ZDHHC17: variants seen among roughly 807,000 people sequenced by gnomAD.
The protein encoded by ZDHHC17 is zDHHC palmitoyltransferase 17, also known as palmitoyltransferase ZDHHC17.
Under a neutral mutation model 90.3 loss-of-function variants are expected in ZDHHC17, and 40 were observed. The observed-to-expected ratio is 0.44, with a 90% CI of 0.34 to 0.58. The LOEUF (loss-of-function observed/expected upper bound fraction) is 0.58. ZDHHC17 is among the 20% of genes least tolerant of loss of function. The probability of loss-of-function intolerance (pLI) is 0.01; values close to 1 mark genes in which losing one functional copy is unlikely to be tolerated. For missense variants in ZDHHC17, 614 were observed against 780.8 expected, an observed-to-expected ratio of 0.79 and a Z score of 2.55; for synonymous variants, 235 against 252.4, an observed-to-expected ratio of 0.93 and a Z score of 0.65.
At chr12:76,777,509 A>C (rs7135510) in intron 1 of ZDHHC17, among the ~76,000 whole-genome samples, 68,030 of 152,060 alleles carry the variant, frequency 0.45, 15,582 homozygotes, top group East Asian at 0.65. Context: ...GTGTACAAGT[A>C]TTCATGTAAA....
At chr12:76,848,448 A>G in intron 15 of ZDHHC17, 58 bp downstream of exon 15, 3 of 1,535,030 alleles carry the variant, frequency 2.0e-6, no homozygotes, top group South Asian at 1.2e-5. Context: ...ATCCTTGCAT[A>G]AAAGATAATA....
intron 2 of ZDHHC17, among the ~76,000 whole-genome samples, chr12:76,802,377 CTCTG>C (rs1488010815): frequency 2.6e-5 from 4 of 152,188 alleles, no homozygotes; most frequent in South Asian, 4.1e-4. Flanking sequence ...TCAAGGTTCT[CTCTG>C]TCTTTGTCTT....
intron 10 of ZDHHC17, among the ~76,000 whole-genome samples, chr12:76,833,121 G>A (rs1184272109): frequency 3.3e-5 from 5 of 152,026 alleles, no homozygotes; most frequent in Non-Finnish European, 7.4e-5. Context: ...GTTTGTTCTA[G>A]TAAGTTCTTA....
At chr12:76,825,674 T>C (rs552692357) in intron 8 of ZDHHC17, among the ~76,000 whole-genome samples, 44 of 100,210 alleles carry the variant, frequency 4.4e-4, no homozygotes, top group African/African-American at 1.6e-3. Context: ...CATGGTCATT[T>C]ATATGAAAAA....
chr12:76,764,495 G>T, intron 1 of ZDHHC17, 166 bp downstream of exon 1: 1 of 662,320 alleles, frequency 1.5e-6, no homozygotes, highest in Non-Finnish European at 2.5e-6. Context: ...GCGGATAACG[G>T]GGGAGGAGAT....
intron 1 of ZDHHC17, among the ~76,000 whole-genome samples, chr12:76,780,438 A>G (rs1314713260): frequency 2.0e-5 from 3 of 152,224 alleles, no homozygotes; most frequent in Non-Finnish European, 4.4e-5. Context: ...TTTTGGCTCT[A>G]CCAGATCATT....
intron 6 of ZDHHC17, 22 bp downstream of exon 6, chr12:76,815,232 C>G: frequency 6.7e-7 from 1 of 1,497,954 alleles, no homozygotes; most frequent in Non-Finnish European, 9.0e-7. Context: ...CTATAAAAAA[C>G]TTATTTAGGC....
At chr12:76,779,274 C>T (rs1347625175) in intron 1 of ZDHHC17, among the ~76,000 whole-genome samples, 2 of 152,128 alleles carry the variant, frequency 1.3e-5, no homozygotes, top group Admixed American at 6.5e-5. Flanking sequence ...TCTTTTCCAC[C>T]TTTGTATTAG....
At chr12:76,846,129 A>T (rs1313271329) in intron 13 of ZDHHC17, among the ~76,000 whole-genome samples, 1 of 152,170 alleles carries the variant, frequency 6.6e-6, no homozygotes, top group East Asian at 1.9e-4. Flanking sequence ...GGAATGACAG[A>T]TAAGAACAGT....
chr12:76,823,183 G>C (rs1953187207), intron 8 of ZDHHC17, among the ~76,000 whole-genome samples: 1 of 152,132 alleles, frequency 6.6e-6, no homozygotes, highest in South Asian at 2.1e-4. Context: ...TCTAGTGAAT[G>C]CTTGTTTGTT....
intron 5 of ZDHHC17, among the ~76,000 whole-genome samples, chr12:76,811,448 TA>T (rs1380176379): frequency 6.6e-6 from 1 of 152,170 alleles, no homozygotes; most frequent in Non-Finnish European, 1.5e-5. Flanking sequence ...GTCTTTTTTT[TA>T]ACTTATTGAT....
chr12:76,853,498 A>G lies in ZDHHC17; in HGVS notation c.*2513A>G, dbSNP rs1953588286. ...TATTTGATATTAATGGGCGTAAAAC[A>G]GCATCATTGTACTTAAGCTATGGAT... On this transcript the variant is annotated 3_prime_UTR_variant, in exon 17 of 17. Coordinates refer to ENST00000426126, the MANE Select transcript of ZDHHC17 (RefSeq NM_015336.4). The G allele has an allele frequency of 6.6e-6, 1 of 152,520 alleles. No homozygotes were observed. Among genetic ancestry groups the G allele is most frequent in the Non-Finnish European group, 1.5e-5 (1 of 67,960 alleles). 9.4% of individuals were successfully genotyped at this position (152,520 alleles called of 1,614,324 possible).
chr12:76,815,832 TG>T lies in ZDHHC17; in HGVS notation c.609-24del, dbSNP rs774831158. The T allele has an allele frequency of 2.6e-5, 38 of 1,453,172 alleles. No homozygotes were observed. In the East Asian group the frequency reaches 3.0e-4, roughly 11 times the overall value. The allele number at this position is 1,453,172 out of a possible 1,614,324, so 90.0% of individuals were successfully genotyped here. A position where few individuals can be genotyped will look rare whatever the true frequency, so the allele number is the denominator to read the frequency against. On this transcript the variant is annotated intron_variant, in intron 6 of 16. Transcript: ENST00000426126. ...TGAAATTAGGGTTGTTGTTGTTGTTTGTTTTTTTTTTTTTTCCTTTTCAGTG... is the reference window on the plus strand; with the variant it reads ...TGAAATTAGGGTTGTTGTTGTTGTTTTTTTTTTTTTTTTTCCTTTTCAGTG...
intron 10 of ZDHHC17, among the ~76,000 whole-genome samples, chr12:76,836,193 A>G (rs753706971): frequency 4.6e-5 from 7 of 151,492 alleles, no homozygotes; most frequent in Admixed American, 4.6e-4. Flanking sequence ...ATGGGTGGAG[A>G]CTTGTTCTTT....
intron 10 of ZDHHC17, among the ~76,000 whole-genome samples, chr12:76,836,192 G>A (rs1332184659): frequency 6.6e-6 from 1 of 151,868 alleles, no homozygotes. Context: ...AATGGGTGGA[G>A]ACTTGTTCTT....
chr12:76,802,058 C>T (rs1341883500), intron 2 of ZDHHC17, among the ~76,000 whole-genome samples: 1 of 152,112 alleles, frequency 6.6e-6, no homozygotes, highest in East Asian at 1.9e-4. Context: ...TTTATTTTTT[C>T]ATATGCCTTT....
At chr12:76,849,849 AAC>A (rs1365702603) in intron 16 of ZDHHC17, among the ~76,000 whole-genome samples, 1 of 152,194 alleles carries the variant, frequency 6.6e-6, no homozygotes, top group African/African-American at 2.4e-5. Flanking sequence ...TTTAAATAAA[AAC>A]AGAGTTAGTT....
chr12:76,778,667 G>A (rs889035041), intron 1 of ZDHHC17, among the ~76,000 whole-genome samples: 1 of 152,202 alleles, frequency 6.6e-6, no homozygotes, highest in Non-Finnish European at 1.5e-5. Context: ...ATAGGTAAGT[G>A]ATAAGTCATT....
At chr12:76,824,706 G>T (rs189491657) in intron 8 of ZDHHC17, among the ~76,000 whole-genome samples, 9 of 152,010 alleles carry the variant, frequency 5.9e-5, no homozygotes, top group African/African-American at 9.6e-5. Flanking sequence ...TTAGCCAGGC[G>T]TGGTGGTGCG....
Sources: allele counts gnomAD v4.1 joint callset (sites outside exome capture counted in the v4.1 genomes callset), GRCh38; gene constraint gnomAD v4.1.1; transcripts MANE v1.5; gene names NCBI Gene and HGNC (gene_info 2026-07-23, HGNC 2026-07-21).